IGF2R: variants seen among roughly 807,000 people sequenced by gnomAD.
IGF2R encodes cation-independent mannose-6-phosphate receptor.
IGF2R carries 91 observed loss-of-function variants against 270.6 expected under a neutral mutation model. That is an observed-to-expected ratio of 0.34 (90% CI 0.28 to 0.40). IGF2R has a LOEUF of 0.40. IGF2R is among the 10% of genes least tolerant of loss of function. The pLI, the probability that IGF2R is intolerant of heterozygous loss-of-function variation, is 1.00. For synonymous variants in IGF2R, 1,316 were observed against 1,258.9 expected (o/e 1.05, Z -0.96); for missense variants, 2,805 against 3,188.3 (o/e 0.88, Z 2.90).
rs1783965647 is a variant in IGF2R, at chr6:159,990,753, C to T, written c.150-431C>T. Reference sequence around the variant, plus strand: ...GAAGCAGTTCTCCTGCCTCACCCTCCTAGGTAGCTGTAATTATAGGCGTGT... The same window carrying T: ...GAAGCAGTTCTCCTGCCTCACCCTCTTAGGTAGCTGTAATTATAGGCGTGT... On this transcript the variant is annotated intron_variant, in intron 1 of 47. Coordinates refer to ENST00000356956, the MANE Select transcript of IGF2R (RefSeq NM_000876.4). 2.0e-5 allele frequency among the ~76,000 whole-genome samples: 3 copies of T among 152,246 alleles called. No homozygotes were observed. In the South Asian group the frequency reaches 6.2e-4, roughly 32 times the overall value.
chr6:160,037,743 T>C (rs754568699), intron 10 of IGF2R, among the ~76,000 whole-genome samples: 5 of 152,184 alleles, frequency 3.3e-5, no homozygotes, highest in Non-Finnish European at 5.9e-5. Flanking sequence ...GCTCAGCCCA[T>C]TAAAGGTTTA....
intron 1 of IGF2R, among the ~76,000 whole-genome samples, chr6:159,972,782 C>T (rs1319725683): frequency 6.6e-6 from 1 of 152,206 alleles, no homozygotes; most frequent in Admixed American, 6.5e-5. Flanking sequence ...TGTGTCCGTG[C>T]ACGTGGAGGG....
chr6:160,000,177 T>G (rs1784107110), intron 2 of IGF2R, among the ~76,000 whole-genome samples: 1 of 152,182 alleles, frequency 6.6e-6, no homozygotes, highest in South Asian at 2.1e-4. Flanking sequence ...TTTCTCACAT[T>G]GCTGTAAAGA....
chr6:160,040,720 T>C lies in IGF2R; in HGVS notation c.1476T>C (p.His492=). ...KRYDLSALVR[H]AEPEQNWEAV... ...ATGACCTGTCCGCGCTGGTCCGCCA[T>C]GCAGGTACTGCCCTCCTTGCCATGC... Residue 492 remains histidine, a synonymous_variant, in exon 11 of 48, where the codon CAT becomes CAC. Transcript: ENST00000356956. The C allele has an allele frequency of 6.2e-7, 1 of 1,612,730 alleles. No homozygotes were observed. The highest frequency in any genetic ancestry group is 8.5e-7 in the Non-Finnish European group (1 of 1,179,114).
intron 5 of IGF2R, among the ~76,000 whole-genome samples, chr6:160,025,758 G>A (rs565179694): frequency 1.2e-4 from 18 of 152,234 alleles, no homozygotes; most frequent in Non-Finnish European, 2.5e-4. Flanking sequence ...GACTAATACA[G>A]TCTTTGTCTT....
intron 28 of IGF2R, 31 bp from the exon 29 acceptor site, chr6:160,064,773 C>T (rs953868884): frequency 3.4e-6 from 5 of 1,465,758 alleles, no homozygotes; most frequent in Non-Finnish European, 3.8e-6. Context: ...TGCATTCTCA[C>T]TTTTATATAT....
At chr6:159,972,878 A>G (rs1783631887) in intron 1 of IGF2R, among the ~76,000 whole-genome samples, 1 of 151,466 alleles carries the variant, frequency 6.6e-6, no homozygotes, top group Non-Finnish European at 1.5e-5. Context: ...AGCGCTTTAA[A>G]TAAGTGCATG....
chr6:160,021,334 G>C (rs933191714), intron 4 of IGF2R, among the ~76,000 whole-genome samples: 2 of 151,306 alleles, frequency 1.3e-5, no homozygotes, highest in African/African-American at 4.9e-5. Context: ...TCAGCAAACT[G>C]TCGCAAGGAT....
Position 160,078,330 on chromosome 6 carries a change from A to G in IGF2R, c.5446A>G (p.Asn1816Asp), listed in dbSNP as rs747144122. 9 of 1,614,178 alleles carry G rather than the reference A, an allele frequency of 5.6e-6. No individual in the cohort carries two copies. Among genetic ancestry groups the G allele is most frequent in the Non-Finnish European group, 7.6e-6 (9 of 1,179,986 alleles). The change falls in exon 37 of 48, where the codon AAC becomes GAC. Residue 1816 changes from asparagine (N) to aspartate (D), a missense_variant. By Grantham distance (23) the Asn-to-Asp change is conservative (BLOSUM62 1). Transcript: ENST00000356956. The part of the protein sequence containing the change: ...LTDEQLLYSF[N>D]LSSLSTSTFK... ...AGATGAGCAGCTCCTCTACAGCTTCAACTTGTCCAGCCTTTCCACGAGCAC... is the reference window on the plus strand; with the variant it reads ...AGATGAGCAGCTCCTCTACAGCTTCGACTTGTCCAGCCTTTCCACGAGCAC...
At chr6:160,010,530 C>G in intron 3 of IGF2R, 157 bp from the exon 4 acceptor site, 1 of 530,112 alleles carries the variant, frequency 1.9e-6, no homozygotes, top group East Asian at 3.0e-5. Context: ...GATTTGGGAA[C>G]CTCTTGATGA....
intron 7 of IGF2R, among the ~76,000 whole-genome samples, chr6:160,030,293 G>A (rs1777666902): frequency 6.6e-6 from 1 of 152,194 alleles, no homozygotes; most frequent in South Asian, 2.1e-4. Flanking sequence ...GAGGGGTAGG[G>A]CAGGGCTTTC....
rs1298803130 is a variant in IGF2R, at chr6:160,040,541, C to T, written c.1316-19C>T. The T allele has an allele frequency of 1.9e-6, 3 of 1,612,524 alleles. No individual in the cohort carries two copies. The highest frequency in any genetic ancestry group is 2.5e-6 in the Non-Finnish European group (3 of 1,178,792). On this transcript the variant is annotated intron_variant, in intron 10 of 47. Coordinates refer to ENST00000356956, the MANE Select transcript of IGF2R (RefSeq NM_000876.4). ...TTGGTCACGTATGGAGTTTAAATTT[C>T]TCCTCTTGAATTGTGCAGGTAACGA...
intron 45 of IGF2R, among the ~76,000 whole-genome samples, chr6:160,101,541 C>T (rs980616471): frequency 6.6e-5 from 10 of 152,254 alleles, no homozygotes; most frequent in Non-Finnish European, 1.3e-4. Context: ...GGCTGGGCCG[C>T]GGGTTGGCCT....
chr6:160,105,738 T>G lies in IGF2R; in HGVS notation c.*654T>G, dbSNP rs1779601523. 6.6e-6 allele frequency: 1 copy of G among 152,662 alleles called. No individual in the cohort carries two copies. Among genetic ancestry groups the G allele is most frequent in the African/African-American group, 2.4e-5 (1 of 41,432 alleles). 9.5% of individuals were successfully genotyped at this position (152,662 alleles called of 1,614,324 possible). A position where few individuals can be genotyped will look rare whatever the true frequency, so the allele number is the denominator to read the frequency against. On this transcript the variant is annotated 3_prime_UTR_variant, in exon 48 of 48. Transcript: ENST00000356956. ...CACACACACACATACGTGCACAGGG[T>G]CCCCGAGTGCCTAGGTTTTGGAGAG...
chr6:159,987,635 A>G (rs1783908577), intron 1 of IGF2R, among the ~76,000 whole-genome samples: 2 of 152,062 alleles, frequency 1.3e-5, no homozygotes, highest in Admixed American at 1.3e-4. Flanking sequence ...CGTGATCTGC[A>G]TGCCTCAGCC....
At chr6:160,064,188 G>A (rs913311004) in intron 27 of IGF2R, among the ~76,000 whole-genome samples, 2 of 152,162 alleles carry the variant, frequency 1.3e-5, no homozygotes, top group African/African-American at 4.8e-5. Context: ...CATCATACAC[G>A]GGTCAGTCTG....
intron 9 of IGF2R, 47 bp downstream of exon 9, chr6:160,033,154 T>C (rs1387630338): frequency 6.8e-7 from 1 of 1,461,876 alleles, no homozygotes; most frequent in South Asian, 1.2e-5. Context: ...TTGTATTTCT[T>C]GAGATAGGGT....
At position 160,106,876 on chromosome 6, in the gene IGF2R, C is replaced by T. The variant is rs1419600850; in HGVS notation, c.*1792C>T. ...TGAGTCAATAAAGCTTTTTTTTGTG[C>T]AACCTGATCTAACATGGAGATGTTT... On this transcript the variant is annotated 3_prime_UTR_variant, in exon 48 of 48. Transcript: ENST00000356956. 1 of 152,124 alleles carries T rather than the reference C, an allele frequency of 6.6e-6. No homozygotes were observed. The highest frequency in any genetic ancestry group is 1.5e-5 in the Non-Finnish European group (1 of 68,028). The allele number at this position is 152,124 out of a possible 1,614,324, so 9.4% of individuals were successfully genotyped here. A position where few individuals can be genotyped will look rare whatever the true frequency, so the allele number is the denominator to read the frequency against.
chr6:160,001,253 T>C (rs1050084300), intron 2 of IGF2R, among the ~76,000 whole-genome samples: 2 of 152,052 alleles, frequency 1.3e-5, no homozygotes, highest in Non-Finnish European at 2.9e-5. Flanking sequence ...TAGATGCTTA[T>C]AGGAGCGCGA....
Sources: gnomAD v4.1 joint callset for allele counts (sites outside exome capture counted in the v4.1 genomes callset) on GRCh38, gnomAD v4.1.1 for gene constraint, MANE v1.5 for transcripts, NCBI Gene and HGNC (gene_info 2026-07-23, HGNC 2026-07-21) for gene names.